The following SLC9A9 variants were observed in gnomAD, a reference collection of about 807,000 sequenced individuals.
The protein encoded by SLC9A9 is sodium/hydrogen exchanger 9.
In SLC9A9, 62 loss-of-function variants were observed where a neutral mutation model predicts 77.8. The observed-to-expected ratio is 0.80, with a 90% CI of 0.65 to 0.98. The LOEUF (loss-of-function observed/expected upper bound fraction) is 0.98, where lower values mean the gene tolerates loss of function less well. Ranked by LOEUF, SLC9A9 falls within the 50% of genes least tolerant of loss-of-function variation. The pLI, the probability that SLC9A9 is intolerant of heterozygous loss-of-function variation, is 0.00. For synonymous variants in SLC9A9, 320 were observed against 283.5 expected, an observed-to-expected ratio of 1.13 and a Z score of -1.29; for missense variants, 775 against 774.9, an observed-to-expected ratio of 1.00 and a Z score of 0.00.
intron 14 of SLC9A9, among the ~76,000 whole-genome samples, chr3:143,316,615 T>C (rs2031221428): frequency 1.3e-5 from 2 of 152,158 alleles, no homozygotes; most frequent in South Asian, 4.2e-4. Context: ...GAAGATACCT[T>C]CTTGGCCCCA....
At chr3:143,441,829 C>CTCAT (rs144760598) in intron 12 of SLC9A9, among the ~76,000 whole-genome samples, 48,459 of 143,430 alleles carry the variant, frequency 0.34, 8,327 homozygotes, top group African/African-American at 0.4. Flanking sequence ...GTGTCATTTA[C>CTCAT]TCATTCATCC....
intron 12 of SLC9A9, among the ~76,000 whole-genome samples, chr3:143,406,714 G>A (rs1192436845): frequency 1.3e-5 from 2 of 152,066 alleles, no homozygotes; most frequent in African/African-American, 2.4e-5. Flanking sequence ...GGTGGCTCAC[G>A]CCTGTGATCC....
intron 12 of SLC9A9, among the ~76,000 whole-genome samples, chr3:143,406,789 A>C (rs893394169): frequency 6.6e-6 from 1 of 152,024 alleles, no homozygotes; most frequent in Non-Finnish European, 1.5e-5. Flanking sequence ...CAGCCTGGCC[A>C]ACATGGCAAA....
intron 12 of SLC9A9, among the ~76,000 whole-genome samples, chr3:143,419,914 C>T (rs917199044): frequency 9.2e-5 from 14 of 152,290 alleles, no homozygotes; most frequent in African/African-American, 3.1e-4. Flanking sequence ...AACAAGATGC[C>T]AAGGACTGTG....
chr3:143,265,999 G>T lies in SLC9A9; in HGVS notation c.*703C>A. ...TGGGGAGAAGAAACCTGGTTTTCTTGGAATGGTCCTACTAAGCTTGAAAGT... is the reference window on the plus strand; with the variant it reads ...TGGGGAGAAGAAACCTGGTTTTCTTTGAATGGTCCTACTAAGCTTGAAAGT... On this transcript the variant is annotated 3_prime_UTR_variant, in exon 16 of 16. Coordinates refer to ENST00000316549, the MANE Select transcript of SLC9A9 (RefSeq NM_173653.4). The T allele has an allele frequency of 1.4e-6, 1 of 696,190 alleles. No homozygotes were observed. Among genetic ancestry groups the T allele is most frequent in the Non-Finnish European group, 2.6e-6 (1 of 382,286 alleles). 43.1% of individuals were successfully genotyped at this position (696,190 alleles called of 1,614,324 possible).
intron 5 of SLC9A9, among the ~76,000 whole-genome samples, chr3:143,673,696 A>T (rs1482459261): frequency 1.3e-5 from 2 of 151,948 alleles, no homozygotes; most frequent in Non-Finnish European, 2.9e-5. Flanking sequence ...TCCAAAACAG[A>T]GACTAGTAGA....
intron 4 of SLC9A9, among the ~76,000 whole-genome samples, chr3:143,767,780 CCAT>C (rs2007374291): frequency 6.6e-6 from 1 of 152,138 alleles, no homozygotes; most frequent in African/African-American, 2.4e-5. Context: ...TAATTTCCAA[CCAT>C]CTTTATCACT....
intron 4 of SLC9A9, among the ~76,000 whole-genome samples, chr3:143,705,980 C>T (rs2800): frequency 0.66 from 100,565 of 152,086 alleles, 33,577 homozygotes; most frequent in African/African-American, 0.69. Flanking sequence ...ATCATATCCA[C>T]AGAAAAACAG....
intron 4 of SLC9A9, among the ~76,000 whole-genome samples, chr3:143,788,315 C>T (rs2008116404): frequency 6.6e-6 from 1 of 152,092 alleles, no homozygotes; most frequent in African/African-American, 2.4e-5. Flanking sequence ...GACTTATTAA[C>T]AAAATACAAA....
intron 14 of SLC9A9, among the ~76,000 whole-genome samples, chr3:143,270,332 TAATTTTAAATAATCC>T (rs1294489478): frequency 2.0e-5 from 3 of 152,338 alleles, no homozygotes; most frequent in Admixed American, 6.5e-5. Flanking sequence ...CCTAGAGATA[TAATTTTAAATAATCC>T]AAAGGCTCCC....
At chr3:143,350,294 C>G (rs2032412428) in intron 14 of SLC9A9, among the ~76,000 whole-genome samples, 2 of 152,174 alleles carry the variant, frequency 1.3e-5, no homozygotes, top group South Asian at 4.1e-4. Flanking sequence ...ATTCCCATTG[C>G]AACTACCATA....
At chr3:143,480,361 C>G (rs1403903575) in intron 11 of SLC9A9, among the ~76,000 whole-genome samples, 1 of 152,204 alleles carries the variant, frequency 6.6e-6, no homozygotes, top group African/African-American at 2.4e-5. Context: ...CTGAATTCAT[C>G]ATAATCACAT....
chr3:143,531,041 T>G (rs1052916007), intron 9 of SLC9A9, among the ~76,000 whole-genome samples: 8 of 152,226 alleles, frequency 5.3e-5, no homozygotes, highest in African/African-American at 1.9e-4. Context: ...ATAGTGCTCA[T>G]TATGAGCCAC....
chr3:143,669,728 C>A (rs1331590042), intron 5 of SLC9A9, among the ~76,000 whole-genome samples: 6 of 152,180 alleles, frequency 3.9e-5, no homozygotes, highest in African/African-American at 1.2e-4. Flanking sequence ...CAGACCCCAG[C>A]TGTTATGCAA....
At chr3:143,362,167 C>A (rs1451988784) in intron 14 of SLC9A9, among the ~76,000 whole-genome samples, 1 of 152,118 alleles carries the variant, frequency 6.6e-6, no homozygotes, top group Non-Finnish European at 1.5e-5. Flanking sequence ...ATACCAGAAC[C>A]TTTAAGAAAT....
chr3:143,748,707 T>G lies in SLC9A9; in HGVS notation c.533+46294A>C, dbSNP rs1180743304. 2.0e-5 allele frequency among the ~76,000 whole-genome samples: 3 copies of G among 146,998 alleles called. No individual in the cohort carries two copies. The East Asian group carries it at 5.9e-4, about 29-fold the overall frequency. On this transcript the variant is annotated intron_variant, in intron 4 of 15. Transcript: ENST00000316549. ...TTTGACCAAGCTTTTTTTTTTTTTT[T>G]TTTTTTTGAGACGGAGTCTCGCTCT...
chr3:143,451,075 T>C (rs532651415), intron 12 of SLC9A9, among the ~76,000 whole-genome samples: 2 of 151,406 alleles, frequency 1.3e-5, no homozygotes, highest in African/African-American at 4.8e-5. Context: ...CCATTGGAGA[T>C]GCTTTTGAAT....
chr3:143,295,294 C>CTTGT (rs1054431125), intron 14 of SLC9A9, among the ~76,000 whole-genome samples: 1 of 152,200 alleles, frequency 6.6e-6, no homozygotes, highest in African/African-American at 2.4e-5. Context: ...CACTCTGTTA[C>CTTGT]TTGTTTCTTT....
At position 143,308,404 on chromosome 3, in the gene SLC9A9, G is replaced by A. The variant is rs202146853; in HGVS notation, c.1605-39424C>T. Among the ~76,000 whole-genome samples the A allele has an allele frequency of 2.9e-3, 434 of 151,990 alleles. 1 individual carries two copies. The highest frequency in any genetic ancestry group is 0.018 in the Admixed American group (270 of 15,266). ...ATCCTGGCTAACACGGTGAAACCCC[G>A]TCTCTACTAAAAATACAAAAAATTA... On this transcript the variant is annotated intron_variant, in intron 14 of 15. Coordinates refer to ENST00000316549, the MANE Select transcript of SLC9A9 (RefSeq NM_173653.4).
Sources: gnomAD v4.1 joint callset for allele counts (sites outside exome capture counted in the v4.1 genomes callset) on GRCh38, gnomAD v4.1.1 for gene constraint, MANE v1.5 for transcripts, NCBI Gene and HGNC (gene_info 2026-07-23, HGNC 2026-07-21) for gene names.